SERF2: variants seen among roughly 807,000 people sequenced by gnomAD.
SERF2 encodes the protein small EDRK-rich factor 2.
Under a neutral mutation model 10.7 loss-of-function variants are expected in SERF2, and 4 were observed. The observed-to-expected ratio is 0.37, with a 90% CI of 0.18 to 0.86. The LOEUF is 0.86. Ranked by LOEUF, SERF2 falls within the 40% of genes least tolerant of loss-of-function variation. SERF2 has a pLI of 0.43. For missense variants in SERF2, 47 were observed against 79.1 expected, an observed-to-expected ratio of 0.59 and a Z score of 1.54; for synonymous variants, 26 against 26.0, an observed-to-expected ratio of 1.00 and a Z score of 0.01.
chr15:43,785,322 G>C (rs1272515474), intron 1 of SERF2: 1 of 152,070 alleles, frequency 6.6e-6, no homozygotes, highest in African/African-American at 2.4e-5. Flanking sequence ...ACCTGCCTCA[G>C]CCTCCCAAAG....
intron 1 of SERF2, among the ~76,000 whole-genome samples, chr15:43,779,411 A>G (rs1409350102): frequency 1.3e-5 from 2 of 152,204 alleles, no homozygotes; most frequent in African/African-American, 4.8e-5. Flanking sequence ...GGCTTAGAGA[A>G]GCAGAGATTC....
At chr15:43,791,489 C>A (rs2087060421), upstream of SERF2, among the ~76,000 whole-genome samples, 1 of 152,152 alleles carries the variant, frequency 6.6e-6, no homozygotes, top group South Asian at 2.1e-4. Flanking sequence ...CCCACCTCAG[C>A]CTCCCAAAGT....
upstream of SERF2, among the ~76,000 whole-genome samples, chr15:43,790,825 G>C (rs188753876): frequency 2.1e-3 from 313 of 149,516 alleles, 1 homozygote; most frequent in African/African-American, 7.3e-3. Context: ...GGGCAGTGGC[G>C]TGATCTCGGC....
chr15:43,792,421 C>T, intron 1 of SERF2, 38 bp downstream of exon 1: 1 of 1,613,892 alleles, frequency 6.2e-7, no homozygotes, highest in Non-Finnish European at 8.5e-7. Context: ...CCTTTTCTTT[C>T]CGTTCACCCT....
chr15:43,793,759 G>C lies in SERF2; in HGVS notation c.166G>C (p.Glu56Gln), dbSNP rs2087131591. ...QKQKKANEKK[E>Q]EPK ...GCAGAAAAAGGCAAACGAGAAGAAG[G>C]AGGAACCCAAGTAGCTTTGTGGCTT... The change falls in exon 3 of 3, where the codon GAG becomes CAG. Residue 56 changes from glutamate (E) to glutamine (Q), a missense_variant. Transcript: ENST00000249786. 6.2e-7 allele frequency: 1 copy of C among 1,614,074 alleles called. No individual in the cohort carries two copies. Among genetic ancestry groups the C allele is most frequent in the African/African-American group, 1.3e-5 (1 of 74,914 alleles).
In SERF2 at chr15:43,794,991, G is replaced by T. The variant is rs2087169575; in HGVS notation, c.*1218G>T. The T allele has an allele frequency of 1.2e-6, 2 of 1,600,144 alleles. No individual in the cohort carries two copies. Among genetic ancestry groups the T allele is most frequent in the East Asian group, 2.2e-5 (1 of 44,740 alleles). On this transcript the variant is annotated 3_prime_UTR_variant, in exon 3 of 3. Coordinates refer to ENST00000249786, the MANE Select transcript of SERF2 (RefSeq NM_001018108.4). ...CAATGTCAGGGGAACCCCAGTTTGT[G>T]AAAAGGACTTAGACTGGAGGATATT... is the stretch of plus-strand genomic sequence containing the variant.
Position 43,795,264 on chromosome 15 carries a change from G to C in SERF2, c.*1491G>C. ...AGAATATGAAGGGCCTTAGCTTTTAGACCTGTTCTACCTCCTCACCAAATA... is the reference window on the plus strand; with the variant it reads ...AGAATATGAAGGGCCTTAGCTTTTACACCTGTTCTACCTCCTCACCAAATA... On this transcript the variant is annotated 3_prime_UTR_variant, in exon 3 of 3. Transcript: ENST00000249786. 6.3e-7 allele frequency: 1 copy of C among 1,599,594 alleles called. No individual in the cohort carries two copies. Among genetic ancestry groups the C allele is most frequent in the South Asian group, 1.1e-5 (1 of 90,650 alleles).
In SERF2 at chr15:43,794,820, G is replaced by T; in HGVS notation, c.*1047G>T. 1 of 582,230 alleles carries T rather than the reference G, an allele frequency of 1.7e-6. No individual in the cohort carries two copies. The highest frequency in any genetic ancestry group is 3.0e-5 in the Admixed American group (1 of 33,488). The allele number at this position is 582,230 out of a possible 1,614,324, so 36.1% of individuals were successfully genotyped here. On this transcript the variant is annotated 3_prime_UTR_variant, in exon 3 of 3. Transcript: ENST00000249786. Reference sequence around the variant, plus strand: ...ATGTAACAGTAGCTCCAGTGAGTCAGACACTCTGCCCAGCACATTAGACTG... The same window carrying T: ...ATGTAACAGTAGCTCCAGTGAGTCATACACTCTGCCCAGCACATTAGACTG...
chr15:43,794,936 A>G lies in SERF2; in HGVS notation c.*1163A>G. 7.6e-7 allele frequency: 1 copy of G among 1,324,176 alleles called. No homozygotes were observed. The highest frequency in any genetic ancestry group is 1.3e-5 in the South Asian group (1 of 77,098). The allele number at this position is 1,324,176 out of a possible 1,614,324, so 82.0% of individuals were successfully genotyped here. ...TCCTTGAGGTATTGAGCTGGGCTGG[A>G]CAGCTCCCCTTGAGCCAACTCTAGG... is the stretch of plus-strand genomic sequence containing the variant. On this transcript the variant is annotated 3_prime_UTR_variant, in exon 3 of 3. Coordinates refer to ENST00000249786, the MANE Select transcript of SERF2 (RefSeq NM_001018108.4).
At chr15:43,777,732 A>T (rs1311063438) in intron 1 of SERF2, among the ~76,000 whole-genome samples, 1 of 152,106 alleles carries the variant, frequency 6.6e-6, no homozygotes, top group Non-Finnish European at 1.5e-5. Flanking sequence ...CAGGCATTCC[A>T]GAGGGCCAGA....
upstream of SERF2, among the ~76,000 whole-genome samples, chr15:43,790,623 G>C (rs1385415180): frequency 2.0e-5 from 3 of 150,090 alleles, no homozygotes; most frequent in Non-Finnish European, 1.5e-5. Flanking sequence ...ACAAAAATTA[G>C]CCGGGCATGA....
rs2087199064 is a variant in SERF2 at position 43,795,727 on chromosome 15, G to C, written c.*1954G>C. 2.5e-6 allele frequency: 4 copies of C among 1,613,970 alleles called. No individual in the cohort carries two copies. Among genetic ancestry groups the C allele is most frequent in the African/African-American group, 1.3e-5 (1 of 75,046 alleles). On this transcript the variant is annotated 3_prime_UTR_variant, in exon 3 of 3. Coordinates refer to ENST00000249786, the MANE Select transcript of SERF2 (RefSeq NM_001018108.4). ...ACTGTTTCAGGGCAGCAGAAACACA[G>C]TGAGGGCTTCTGCAAAACAGAACGC...
At chr15:43,777,177 G>A (rs1291893525) in exon 1 of SERF2, 8 of 627,070 alleles carry the variant, frequency 1.3e-5, no homozygotes, top group Non-Finnish European at 2.1e-5. Context: ...GCTATCCCCA[G>A]TTCTCGGGAG....
chr15:43,780,649 T>C (rs1425325776), intron 1 of SERF2, among the ~76,000 whole-genome samples: 1 of 152,168 alleles, frequency 6.6e-6, no homozygotes, highest in Non-Finnish European at 1.5e-5. Flanking sequence ...AGATACCTCA[T>C]ACAGTAGTCT....
Position 43,794,162 on chromosome 15 carries a change from T to G in SERF2, c.*389T>G. 1 of 570,452 alleles carries G rather than the reference T, an allele frequency of 1.8e-6. No individual in the cohort carries two copies. Among genetic ancestry groups the G allele is most frequent in the South Asian group, 2.6e-5 (1 of 39,210 alleles). 35.3% of individuals were successfully genotyped at this position (570,452 alleles called of 1,614,324 possible). On this transcript the variant is annotated 3_prime_UTR_variant, in exon 3 of 3. Coordinates refer to ENST00000249786, the MANE Select transcript of SERF2 (RefSeq NM_001018108.4). ...TCAGATTGTGGGTATGTAGACTTAA[T>G]AAGTGAAACATCACAGAAGAAGCCT...
chr15:43,782,050 C>T (rs1011564967), intron 1 of SERF2, among the ~76,000 whole-genome samples: 4 of 151,292 alleles, frequency 2.6e-5, no homozygotes, highest in Non-Finnish European at 1.5e-5. Flanking sequence ...CACTGTGCCC[C>T]GCTAATTTTT....
upstream of SERF2, among the ~76,000 whole-genome samples, chr15:43,788,799 A>G (rs2087028472): frequency 6.6e-6 from 1 of 152,126 alleles, no homozygotes; most frequent in Admixed American, 6.6e-5. Flanking sequence ...GAGGTTTCTA[A>G]ATCAGTAGGA....
At chr15:43,782,835 T>A (rs1028062911) in intron 1 of SERF2, among the ~76,000 whole-genome samples, 1 of 152,020 alleles carries the variant, frequency 6.6e-6, no homozygotes, top group Non-Finnish European at 1.5e-5. Flanking sequence ...TTTATTTTAT[T>A]CTCATAACTT....
At chr15:43,786,638 A>G (rs981178084) in intron 2 of SERF2, among the ~76,000 whole-genome samples, 1 of 152,190 alleles carries the variant, frequency 6.6e-6, no homozygotes, top group Non-Finnish European at 1.5e-5. Context: ...AAGGTAGCTT[A>G]AACCAACAAA....
Sources: allele counts gnomAD v4.1 joint callset (sites outside exome capture counted in the v4.1 genomes callset), GRCh38; gene constraint gnomAD v4.1.1; transcripts MANE v1.5; gene names NCBI Gene and HGNC (gene_info 2026-07-23, HGNC 2026-07-21).